DNM3: variants seen among roughly 807,000 people sequenced by gnomAD.
DNM3 encodes the protein dynamin-3.
Under a neutral mutation model 101.6 loss-of-function variants are expected in DNM3, and 47 were observed. The ratio of observed to expected loss-of-function variants is 0.46; its 90% CI spans 0.37 to 0.59. The LOEUF (loss-of-function observed/expected upper bound fraction) is 0.59. Ranked by LOEUF, DNM3 falls within the 20% of genes least tolerant of loss-of-function variation. The probability of loss-of-function intolerance (pLI) is 0.00; values close to 1 mark genes in which losing one functional copy is unlikely to be tolerated. For missense variants in DNM3, 849 were observed against 1,085.7 expected (o/e 0.78, Z 3.06); for synonymous variants, 385 against 387.9 (o/e 0.99, Z 0.09).
intron 14 of DNM3, among the ~76,000 whole-genome samples, chr1:172,220,277 G>C (rs1266021478): frequency 6.6e-6 from 1 of 152,176 alleles, no homozygotes; most frequent in Admixed American, 6.6e-5. Context: ...GGCTAGATAG[G>C]AGTTTCTTGA....
chr1:171,889,796 G>A (rs2294724), intron 1 of DNM3, among the ~76,000 whole-genome samples: 30,063 of 152,104 alleles, frequency 0.2, 3,529 homozygotes, highest in East Asian at 0.48. Flanking sequence ...ATTCTTTACC[G>A]GAAATGTATT....
intron 14 of DNM3, chr1:172,132,979 C>T: frequency 1.3e-6 from 2 of 1,539,852 alleles, no homozygotes. Flanking sequence ...CTGTTGAGCT[C>T]CAGAGCCTAT....
intron 1 of DNM3, among the ~76,000 whole-genome samples, chr1:171,847,688 T>C (rs954564906): frequency 1.3e-5 from 2 of 152,066 alleles, no homozygotes; most frequent in Non-Finnish European, 2.9e-5. Context: ...AAAGAATAAG[T>C]CATTTAGTTA....
At chr1:172,090,818 T>C (rs2053857862) in intron 12 of DNM3, among the ~76,000 whole-genome samples, 1 of 152,218 alleles carries the variant, frequency 6.6e-6, no homozygotes, top group Non-Finnish European at 1.5e-5. Flanking sequence ...AACTTGTTAC[T>C]GCAGCACAAC....
intron 4 of DNM3, among the ~76,000 whole-genome samples, chr1:172,003,793 C>G (rs149443191): frequency 1.7e-3 from 261 of 151,718 alleles, no homozygotes; most frequent in Non-Finnish European, 3.1e-3. Flanking sequence ...TGAGGAAGAA[C>G]TGGGGTGGGG....
intron 15 of DNM3, among the ~76,000 whole-genome samples, chr1:172,259,212 G>A (rs1386510800): frequency 6.6e-6 from 1 of 151,972 alleles, no homozygotes; most frequent in Non-Finnish European, 1.5e-5. Flanking sequence ...TAAGAATAAT[G>A]TTTATTCTTT....
In DNM3 at chr1:172,404,983, C is replaced by T. The variant is rs1052586200; in HGVS notation, c.2523-2789C>T. Among the ~76,000 whole-genome samples, 6 of 152,048 alleles carry T rather than the reference C, an allele frequency of 3.9e-5. No homozygotes were observed. In the East Asian group the frequency reaches 9.6e-4, roughly 24 times the overall value. On this transcript the variant is annotated intron_variant, in intron 20 of 20. Transcript: ENST00000627582. ...ACATAGATCATCTAGTCTGATTGTA[C>T]AATTTGGCAACTGGAGCTAGAATCC...
intron 14 of DNM3, among the ~76,000 whole-genome samples, chr1:172,165,102 T>A (rs1240411537): frequency 6.6e-6 from 1 of 152,084 alleles, no homozygotes; most frequent in Admixed American, 6.6e-5. Context: ...GCAATCTTAG[T>A]AAATCCACTT....
At chr1:172,088,602 G>C (rs2053693673) in intron 12 of DNM3, among the ~76,000 whole-genome samples, 1 of 151,570 alleles carries the variant, frequency 6.6e-6, no homozygotes, top group South Asian at 2.1e-4. Flanking sequence ...TACCATAATA[G>C]TTTTACTCTC....
chr1:172,004,282 A>T (rs1395387803), intron 4 of DNM3, among the ~76,000 whole-genome samples: 1 of 152,048 alleles, frequency 6.6e-6, no homozygotes, highest in Non-Finnish European at 1.5e-5. Flanking sequence ...AGAGATGTAT[A>T]TTAGAGTTTA....
At chr1:172,276,932 G>A (rs1357776567) in intron 15 of DNM3, among the ~76,000 whole-genome samples, 1 of 151,928 alleles carries the variant, frequency 6.6e-6, no homozygotes, top group East Asian at 1.9e-4. Flanking sequence ...AATAGCCATT[G>A]ACAAAAATCT....
In DNM3 at chr1:171,894,058, A is replaced by G. The variant is rs187199777; in HGVS notation, c.162-27690A>G. Among the ~76,000 whole-genome samples the G allele has an allele frequency of 4.1e-3, 615 of 149,988 alleles. 5 individuals are homozygous for G. Among genetic ancestry groups the G allele is most frequent in the Non-Finnish European group, 5.7e-3 (386 of 67,296 alleles). ...AGGATGGTCTCCATCTCCTGACCTC[A>G]TGATCTGCCCACCTCGGCCTCCCAA... On this transcript the variant is annotated intron_variant, in intron 1 of 20. Transcript: ENST00000627582.
rs549188153 is a variant in DNM3 at position 171,854,764 on chromosome 1, C to T, written c.161+12947C>T. Among the ~76,000 whole-genome samples, 77 of 151,136 alleles carry T rather than the reference C, an allele frequency of 5.1e-4. No individual in the cohort carries two copies. The South Asian group carries it at 0.012, about 24-fold the overall frequency. Reference sequence around the variant, plus strand: ...GCTAATTTTTTTTTTTTTGTGGAGACGGGGTTTCACCAGGCTGGTCTCAAA... The same window carrying T: ...GCTAATTTTTTTTTTTTTGTGGAGATGGGGTTTCACCAGGCTGGTCTCAAA... On this transcript the variant is annotated intron_variant, in intron 1 of 20. Coordinates refer to ENST00000627582, the MANE Select transcript of DNM3 (RefSeq NM_015569.5).
intron 1 of DNM3, among the ~76,000 whole-genome samples, chr1:171,878,241 CATGTGAG>C (rs1215900178): frequency 6.6e-6 from 1 of 151,922 alleles, no homozygotes; most frequent in Non-Finnish European, 1.5e-5. Context: ...TGAAAAAAAC[CATGTGAG>C]ATCATTTTTC....
rs1198928064 is a variant in DNM3, at chr1:172,409,557, A to G, written c.*1716A>G. The G allele has an allele frequency of 4.1e-6, 4 of 985,060 alleles. No homozygotes were observed. The highest frequency in any genetic ancestry group is 6.2e-5 in the Admixed American group (1 of 16,250). The allele number at this position is 985,060 out of a possible 1,614,324, so 61.0% of individuals were successfully genotyped here. A position where few individuals can be genotyped will look rare whatever the true frequency, so the allele number is the denominator to read the frequency against. ...GATTGTATAAAAACATCACAATCCT[A>G]AATCCTCTCGTATCTCACCCCAAAC... On this transcript the variant is annotated 3_prime_UTR_variant, in exon 21 of 21. Transcript: ENST00000627582.
Position 171,944,854 on chromosome 1 carries a change from C to CTTTTTTTTTTTTTTTTTTTTTT in DNM3, c.235+23033_235+23034insTTTTTTTTTTTTTTTTTTTTTT. 1.0e-3 allele frequency among the ~76,000 whole-genome samples: 38 copies of CTTTTTTTTTTTTTTTTTTTTTT among 37,586 alleles called. 19 individuals carry two copies. The highest frequency in any genetic ancestry group is 2.1e-3 in the South Asian group (2 of 960). The allele number at this position is 37,586 out of a possible 152,430, so 24.7% of individuals were successfully genotyped here. ...TTTGTTTTCTTTTTTTTTGGTGTTT[C>CTTTTTTTTTTTTTTTTTTTTTT]CTTTTTTTTTTTTTTTTTTTTTTTT... On this transcript the variant is annotated intron_variant, in intron 2 of 20. Transcript: ENST00000627582.
chr1:171,877,193 C>T (rs1000398679), intron 1 of DNM3, among the ~76,000 whole-genome samples: 3 of 152,292 alleles, frequency 2.0e-5, no homozygotes, highest in Admixed American at 6.5e-5. Context: ...TCCCCTCCCT[C>T]ATAACATAGA....
At chr1:172,118,840 C>G (rs931419562) in intron 13 of DNM3, among the ~76,000 whole-genome samples, 2 of 152,140 alleles carry the variant, frequency 1.3e-5, no homozygotes, top group African/African-American at 4.8e-5. Flanking sequence ...ATCAGAGATG[C>G]TGAAGCTCCT....
chr1:172,363,031 A>G (rs1305342245), intron 17 of DNM3, among the ~76,000 whole-genome samples: 1 of 151,666 alleles, frequency 6.6e-6, no homozygotes, highest in Non-Finnish European at 1.5e-5. Context: ...TTAACTGTGA[A>G]TATTCATCCC....
Sources: allele counts gnomAD v4.1 joint callset (sites outside exome capture counted in the v4.1 genomes callset), GRCh38; gene constraint gnomAD v4.1.1; transcripts MANE v1.5; gene names NCBI Gene and HGNC (gene_info 2026-07-23, HGNC 2026-07-21).